TMEM165: variants seen among roughly 807,000 people sequenced by gnomAD.
TMEM165 encodes the protein putative divalent cation/proton antiporter TMEM165.
In TMEM165, 19 loss-of-function variants were observed where a neutral mutation model predicts 30.0. That is an observed-to-expected ratio of 0.63 (90% CI 0.44 to 0.93). The LOEUF (loss-of-function observed/expected upper bound fraction) is 0.93, where lower values mean the gene tolerates loss of function less well. TMEM165 is among the 40% of genes least tolerant of loss of function. The pLI is 0.00. For missense variants in TMEM165, 340 were observed against 417.0 expected, an observed-to-expected ratio of 0.82 and a Z score of 1.61; for synonymous variants, 168 against 162.9, an observed-to-expected ratio of 1.03 and a Z score of -0.24.
At chr4:55,424,320 G>T in intron 4 of TMEM165, 2 of 503,372 alleles carry the variant, frequency 4.0e-6, no homozygotes, top group Non-Finnish European at 7.0e-6. Flanking sequence ...AAATTGATTT[G>T]GGTTATTTCA....
Position 55,396,340 on chromosome 4 carries a change from C to G in TMEM165, c.151C>G (p.Gln51Glu). 1 of 1,514,452 alleles carries G rather than the reference C, an allele frequency of 6.6e-7. No homozygotes were observed. Among genetic ancestry groups the G allele is most frequent in the Non-Finnish European group, 8.8e-7 (1 of 1,136,326 alleles). The allele number at this position is 1,514,452 out of a possible 1,614,324, so 93.8% of individuals were successfully genotyped here. A position where few individuals can be genotyped will look rare whatever the true frequency, so the allele number is the denominator to read the frequency against. ...HRNKEPPAPA[Q>E]QLQPQPVAVQ... ...GAACAAAGAACCGCCGGCGCCGGCCCAGCAGCTGCAGCCGCAGCCTGTGGC... is the reference window on the plus strand; with the variant it reads ...GAACAAAGAACCGCCGGCGCCGGCCGAGCAGCTGCAGCCGCAGCCTGTGGC... The change falls in exon 1 of 6, where the codon CAG becomes GAG. Residue 51 changes from glutamine (Q) to glutamate (E), a missense_variant. Around this residue, in one of 2 missense-constraint regions of TMEM165, gnomAD observed 120 missense variants for 109.4 expected, o/e 1.10. Transcript: ENST00000381334.
intron 1 of TMEM165, among the ~76,000 whole-genome samples, chr4:55,411,006 A>T (rs1379087210): frequency 6.6e-6 from 1 of 151,946 alleles, no homozygotes; most frequent in Non-Finnish European, 1.5e-5. Flanking sequence ...TTGGTGGTGC[A>T]TACCTATAAT....
chr4:55,439,919 G>A (rs778440257), intron 3 of TMEM165, among the ~76,000 whole-genome samples: 4 of 152,074 alleles, frequency 2.6e-5, no homozygotes, highest in Non-Finnish European at 5.9e-5. Flanking sequence ...GAAATGGTTA[G>A]GGGAGATGGT....
intron 1 of TMEM165, among the ~76,000 whole-genome samples, chr4:55,409,374 C>T (rs1265920388): frequency 6.6e-6 from 1 of 152,150 alleles, no homozygotes; most frequent in East Asian, 1.9e-4. Flanking sequence ...TGTTTTTACG[C>T]TGTCCAAAAT....
At position 55,438,820 on chromosome 4, in the gene TMEM165, C is replaced by CA. The variant is rs1448746840; in HGVS notation, c.409-13416dup. ...TTAGATCCTTACCTCACATCACAGA[C>CA]AAAGATTAACTTGAAATGGACCAAA... On this transcript the variant is annotated intron_variant, in intron 3 of 3. Coordinates refer to the TMEM165 transcript ENST00000608091. 8.5e-5 allele frequency among the ~76,000 whole-genome samples: 13 copies of CA among 152,278 alleles called. No individual in the cohort carries two copies. The East Asian group carries it at 2.5e-3, about 29-fold the overall frequency.
intron 3 of TMEM165, chr4:55,448,951 C>T (rs1030220945): frequency 1.3e-5 from 14 of 1,066,778 alleles, no homozygotes; most frequent in Middle Eastern, 2.0e-4. Flanking sequence ...ATATGATATT[C>T]GTATTAATAA....
chr4:55,425,594 A>C lies in TMEM165; in HGVS notation c.*142A>C. 1 of 619,948 alleles carries C rather than the reference A, an allele frequency of 1.6e-6. No individual in the cohort carries two copies. Among genetic ancestry groups the C allele is most frequent in the South Asian group, 2.3e-5 (1 of 44,284 alleles). The allele number at this position is 619,948 out of a possible 1,614,324, so 38.4% of individuals were successfully genotyped here. ...TGAGTTTGACCCATTATTATGTCTGAGATATAATCATTGATTCTATTTGTA... is the reference window on the plus strand; with the variant it reads ...TGAGTTTGACCCATTATTATGTCTGCGATATAATCATTGATTCTATTTGTA... On this transcript the variant is annotated 3_prime_UTR_variant, in exon 6 of 6. Coordinates refer to ENST00000381334, the MANE Select transcript of TMEM165 (RefSeq NM_018475.5).
At position 55,396,136 on chromosome 4, in the gene TMEM165, C is replaced by A; in HGVS notation, c.-54C>A. On this transcript the variant is annotated 5_prime_UTR_variant, in exon 1 of 6. Transcript: ENST00000381334. ...GAGGCTGTTCGGGGTCGAGGCTTCC[C>A]GTCGCCGGCACTTCCTCTTGCGGCG... 3.1e-6 allele frequency: 4 copies of A among 1,308,778 alleles called. No homozygotes were observed. Among genetic ancestry groups the A allele is most frequent in the South Asian group, 2.3e-5 (1 of 43,824 alleles). 81.1% of individuals were successfully genotyped at this position (1,308,778 alleles called of 1,614,324 possible).
downstream of TMEM165, chr4:55,426,287 A>T (rs1192175059): frequency 1.3e-5 from 2 of 152,208 alleles, no homozygotes; most frequent in Non-Finnish European, 2.9e-5. Flanking sequence ...AAAGTAGCTA[A>T]ACAGGAGCCA....
At chr4:55,446,279 G>A (rs181031821) in intron 3 of TMEM165, among the ~76,000 whole-genome samples, 1 of 151,704 alleles carries the variant, frequency 6.6e-6, no homozygotes, top group Non-Finnish European at 1.5e-5. Flanking sequence ...TTAAGAGATG[G>A]GGTCTCACTA....
chr4:55,417,341 T>C (rs1721777575), intron 3 of TMEM165, 94 bp downstream of exon 3: 2 of 1,250,292 alleles, frequency 1.6e-6, no homozygotes, highest in Non-Finnish European at 2.2e-6. Context: ...CTGTGTGATA[T>C]GCGGGGCTAC....
At chr4:55,416,947 C>G in intron 2 of TMEM165, 125 bp from the exon 3 acceptor site, 1 of 744,382 alleles carries the variant, frequency 1.3e-6, no homozygotes, top group Admixed American at 3.2e-5. Context: ...TTATTACATA[C>G]TAGATTAGCT....
intron 3 of TMEM165, among the ~76,000 whole-genome samples, chr4:55,437,303 TA>T (rs1260799828): frequency 6.6e-6 from 1 of 152,174 alleles, no homozygotes; most frequent in East Asian, 1.9e-4. Context: ...AAATTGATGA[TA>T]AGTGCCCAGC....
intron 3 of TMEM165, chr4:55,448,827 T>C (rs750136332): frequency 5.0e-6 from 8 of 1,614,034 alleles, no homozygotes; most frequent in East Asian, 2.2e-5. Flanking sequence ...GAGACATCAC[T>C]GGCTGTGTTA....
intron 3 of TMEM165, among the ~76,000 whole-genome samples, chr4:55,451,163 ACTGT>A (rs1292501832): frequency 6.6e-6 from 1 of 152,052 alleles, no homozygotes; most frequent in East Asian, 1.9e-4. Flanking sequence ...ATCCTGGAAA[ACTGT>A]CTTTTAAACC....
chr4:55,418,188 A>G (rs1287948844), intron 4 of TMEM165: 3 of 468,288 alleles, frequency 6.4e-6, no homozygotes, highest in Non-Finnish European at 1.1e-5. Flanking sequence ...AACCAAGCTC[A>G]GTTGGGCTCT....
chr4:55,420,137 ATTTATTTAT>A (rs200094619), intron 4 of TMEM165, among the ~76,000 whole-genome samples: 4,615 of 54,884 alleles, frequency 0.084, 372 homozygotes, highest in African/African-American at 0.16. Flanking sequence ...ATATTTATTT[ATTTATTTAT>A]TTTATTTATT....
chr4:55,449,610 CCATT>C, intron 3 of TMEM165: 1 of 893,468 alleles, frequency 1.1e-6, no homozygotes, highest in Non-Finnish European at 1.8e-6. Context: ...TTTTTCCAAA[CCATT>C]CAATGAAAGT....
At chr4:55,424,674 A>G (rs770370528) in intron 5 of TMEM165, 31 bp downstream of exon 5, 3 of 1,351,274 alleles carry the variant, frequency 2.2e-6, no homozygotes, top group African/African-American at 2.9e-5. Flanking sequence ...ATCAGATAAC[A>G]TTTTAGAATC....
Sources: gnomAD v4.1 joint callset for allele counts (sites outside exome capture counted in the v4.1 genomes callset) on GRCh38, gnomAD v4.1.1 for gene constraint, gnomAD v4.1.1 regional missense constraint, MANE v1.5 for transcripts, NCBI Gene and HGNC (gene_info 2026-07-23, HGNC 2026-07-21) for gene names.